Variants in NFATC3 observed in about 807,000 individuals in gnomAD.
NFATC3 encodes nuclear factor of activated T cells 3.
A neutral mutation model predicts 98.6 loss-of-function variants in NFATC3; 46 were observed. The observed-to-expected ratio is 0.47, with a 90% confidence interval of 0.37 to 0.60. The LOEUF is 0.60. Among genes scored for constraint, NFATC3 ranks in the 20% least tolerant of loss-of-function variants. The pLI is 0.00. For missense variants in NFATC3, 1,256 were observed against 1,295.5 expected (o/e 0.97, Z 0.47); for synonymous variants, 512 against 472.2 (o/e 1.08, Z -1.09).
chr16:68,190,965 C>T lies in NFATC3; in HGVS notation c.2296C>T (p.Gln766Ter). The T allele has an allele frequency of 6.2e-7, 1 of 1,614,214 alleles. No homozygotes were observed. Among genetic ancestry groups the T allele is most frequent in the Non-Finnish European group, 8.5e-7 (1 of 1,180,026 alleles). ...CATGGTGACCTCATCCCATCTGCCA[C>T]AGTTGCAGTGTAGAGATGAGAGTGT... is the stretch of plus-strand genomic sequence containing the variant. ...ASMVTSSHLP[Q>*]LQCRDESVSK... The change falls in exon 9 of 10, where the codon CAG becomes TAG. Residue 766 changes from glutamine (Q) to a stop codon, truncating the protein, a stop_gained. Coordinates refer to ENST00000346183, the MANE Select transcript of NFATC3 (RefSeq NM_173165.3). LOFTEE classifies it high-confidence loss of function.
intron 1 of NFATC3, among the ~76,000 whole-genome samples, chr16:68,100,130 C>A (rs1028777265): frequency 6.6e-6 from 1 of 152,104 alleles, no homozygotes; most frequent in Admixed American, 6.5e-5. Context: ...GAAGGACATT[C>A]GGGTTATTTC....
At chr16:68,117,564 A>G (rs1300582534) in intron 1 of NFATC3, among the ~76,000 whole-genome samples, 2 of 152,116 alleles carry the variant, frequency 1.3e-5, no homozygotes, top group African/African-American at 2.4e-5. Flanking sequence ...ATGGAGTGCA[A>G]TGGCGCTATC....
chr16:68,192,226 A>ATATATATATAT lies in NFATC3; in HGVS notation c.3106+451_3106+452insTATATATATAT, dbSNP rs1372509585. ...CCGTCTCGGGAAAAAAAAAAAAAAA[A>ATATATATATAT]AAAAATATATATATATATATATATA... On this transcript the variant is annotated intron_variant, in intron 9 of 9. Coordinates refer to ENST00000346183, the MANE Select transcript of NFATC3 (RefSeq NM_173165.3). 4.2e-4 allele frequency: 25 copies of ATATATATATAT among 59,632 alleles called. No individual in the cohort carries two copies. In the South Asian group the frequency reaches 4.5e-3, roughly 11 times the overall value. 3.7% of individuals were successfully genotyped at this position (59,632 alleles called of 1,614,324 possible).
At chr16:68,124,344 C>A (rs1174651240) in intron 2 of NFATC3, among the ~76,000 whole-genome samples, 1 of 151,852 alleles carries the variant, frequency 6.6e-6, no homozygotes, top group Admixed American at 6.6e-5. Flanking sequence ...CACTCCTGGC[C>A]TCAAGTGATC....
chr16:68,097,608 A>G (rs1327114811), intron 1 of NFATC3, among the ~76,000 whole-genome samples: 2 of 152,236 alleles, frequency 1.3e-5, no homozygotes, highest in Non-Finnish European at 2.9e-5. Flanking sequence ...TATTGCAAGG[A>G]TGGCAAGGAG....
intron 6 of NFATC3, among the ~76,000 whole-genome samples, chr16:68,178,157 G>A (rs981265212): frequency 6.6e-6 from 1 of 152,014 alleles, no homozygotes; most frequent in African/African-American, 2.4e-5. Flanking sequence ...GTAGCAACAT[G>A]TTTCTCTTAA....
chr16:68,135,118 C>T (rs774408828), intron 3 of NFATC3, among the ~76,000 whole-genome samples: 6 of 151,858 alleles, frequency 4.0e-5, no homozygotes, highest in African/African-American at 2.4e-5. Flanking sequence ...CTTCATAGTG[C>T]CTTCAGAGTG....
chr16:68,148,079 G>A (rs938406426), intron 3 of NFATC3, among the ~76,000 whole-genome samples: 3 of 151,940 alleles, frequency 2.0e-5, no homozygotes, highest in African/African-American at 7.3e-5. Flanking sequence ...GCAATGGCGC[G>A]ATCTCGGCTC....
chr16:68,177,032 C>CTTTTT (rs548092276), intron 6 of NFATC3, among the ~76,000 whole-genome samples: 23 of 133,048 alleles, frequency 1.7e-4, no homozygotes, highest in East Asian at 4.3e-4. Context: ...CTTTTCTTTT[C>CTTTTT]TTTTTTTTTT....
intron 9 of NFATC3, among the ~76,000 whole-genome samples, chr16:68,198,137 TG>T (rs1421320175): frequency 1.3e-5 from 2 of 151,952 alleles, no homozygotes; most frequent in Non-Finnish European, 2.9e-5. Context: ...CTGGACAACA[TG>T]GCAAAACCCT....
chr16:68,186,382 AC>A (rs1190035623), intron 8 of NFATC3, among the ~76,000 whole-genome samples: 1 of 152,042 alleles, frequency 6.6e-6, no homozygotes, highest in Non-Finnish European at 1.5e-5. Flanking sequence ...TACTAAAAAT[AC>A]AAAAAAATGA....
intron 4 of NFATC3, among the ~76,000 whole-genome samples, chr16:68,163,762 C>G (rs1201627771): frequency 6.8e-6 from 1 of 146,498 alleles, no homozygotes; most frequent in African/African-American, 2.6e-5. Context: ...ACATCCCAGA[C>G]GGGGCGGTGG....
chr16:68,117,412 C>T (rs2036337410), intron 1 of NFATC3, among the ~76,000 whole-genome samples: 1 of 152,152 alleles, frequency 6.6e-6, no homozygotes, highest in South Asian at 2.1e-4. Flanking sequence ...CTCGCAAGGC[C>T]TTACTTGACT....
At position 68,221,194 on chromosome 16, in the gene NFATC3, A is replaced by T. The variant is rs751434419; in HGVS notation, c.3107-5156A>T. 8.1e-6 allele frequency: 13 copies of T among 1,613,866 alleles called. No individual in the cohort carries two copies. In the South Asian group the frequency reaches 1.4e-4, roughly 18 times the overall value. On this transcript the variant is annotated intron_variant, in intron 9 of 9. Coordinates refer to ENST00000346183, the MANE Select transcript of NFATC3 (RefSeq NM_173165.3). Reference sequence around the variant, plus strand: ...ATGACTTACATTTACATTACATCATAGATTTGTTTACCAGTAATAATTTTG... The same window carrying T: ...ATGACTTACATTTACATTACATCATTGATTTGTTTACCAGTAATAATTTTG...
At position 68,218,514 on chromosome 16, in the gene NFATC3, C is replaced by CAAAA. The variant is rs1326968858; in HGVS notation, c.3107-7820_3107-7817dup. ...CCTGGGCGACAGAATGAGAGCCTCT[C>CAAAA]AAAAAAAAAAAAAAAAAAAGGTGAA... On this transcript the variant is annotated intron_variant, in intron 9 of 9. Coordinates refer to ENST00000346183, the MANE Select transcript of NFATC3 (RefSeq NM_173165.3). Among the ~76,000 whole-genome samples, 305 of 59,418 alleles carry CAAAA rather than the reference C, an allele frequency of 5.1e-3. 3 individuals carry two copies. Among genetic ancestry groups the CAAAA allele is most frequent in the African/African-American group, 0.018 (289 of 16,030 alleles). 39.0% of individuals were successfully genotyped at this position (59,418 alleles called of 152,430 possible). A position where few individuals can be genotyped will look rare whatever the true frequency, so the allele number is the denominator to read the frequency against.
intron 1 of NFATC3, among the ~76,000 whole-genome samples, chr16:68,095,440 C>G (rs904348791): frequency 6.7e-6 from 1 of 150,350 alleles, no homozygotes; most frequent in Non-Finnish European, 1.5e-5. Flanking sequence ...GCAACTTCCA[C>G]CTCCCAGGTT....
Position 68,159,489 on chromosome 16 carries a change from TCTCGG to T in NFATC3, c.1601+1425_1601+1429del, listed in dbSNP as rs374784150. On this transcript the variant is annotated intron_variant, in intron 4 of 9. Transcript: ENST00000346183. The stretch of plus-strand genomic sequence containing the variant: ...CCCAGGTTGGAGTGCAGTGGTGCAA[TCTCGG>T]CTCACGCAAGCTCCGCCTCCTGGGT... 1.5e-3 allele frequency among the ~76,000 whole-genome samples: 229 copies of T among 151,258 alleles called. 2 individuals are homozygous for T. The highest frequency in any genetic ancestry group is 5.3e-3 in the African/African-American group (218 of 41,270).
chr16:68,204,777 T>C (rs938960946), intron 9 of NFATC3, among the ~76,000 whole-genome samples: 1 of 152,188 alleles, frequency 6.6e-6, no homozygotes, highest in African/African-American at 2.4e-5. Flanking sequence ...TTTTTTTGAG[T>C]TCCTTCGAAG....
At chr16:68,088,066 G>A (rs2151435453) in intron 1 of NFATC3, among the ~76,000 whole-genome samples, 1 of 152,166 alleles carries the variant, frequency 6.6e-6, no homozygotes, top group South Asian at 2.1e-4. Context: ...GCATAATTAT[G>A]AGTATGTAGT....
Sources: allele counts gnomAD v4.1 joint callset (sites outside exome capture counted in the v4.1 genomes callset), GRCh38; gene constraint gnomAD v4.1.1; transcripts MANE v1.5; gene names NCBI Gene and HGNC (gene_info 2026-07-23, HGNC 2026-07-21).